Variants in CALN1 observed in about 807,000 individuals in gnomAD.
The protein encoded by CALN1 is calneuron 1.
CALN1 carries 17 observed loss-of-function variants against 30.6 expected under a neutral mutation model. The observed-to-expected ratio is 0.56, with a 90% CI of 0.38 to 0.83. The LOEUF is 0.83. Ranked by LOEUF, CALN1 falls within the 40% of genes least tolerant of loss-of-function variation. The pLI, the probability that CALN1 is intolerant of heterozygous loss-of-function variation, is 0.00. For missense variants in CALN1, 291 were observed against 354.9 expected, an observed-to-expected ratio of 0.82 and a Z score of 1.45; for synonymous variants, 156 against 131.4, an observed-to-expected ratio of 1.19 and a Z score of -1.28.
At chr7:71,792,313 C>A (rs547431835) in intron 6 of CALN1, among the ~76,000 whole-genome samples, 28 of 152,098 alleles carry the variant, frequency 1.8e-4, no homozygotes, top group Non-Finnish European at 3.8e-4. Flanking sequence ...CAGCCGCAAC[C>A]CCCAGCCCCC....
chr7:72,213,175 C>A (rs182266284), intron 3 of CALN1, among the ~76,000 whole-genome samples: 9 of 152,172 alleles, frequency 5.9e-5, no homozygotes, highest in Admixed American at 3.9e-4. Context: ...TAATGCATTG[C>A]GTGTCCTAAT....
In CALN1 at chr7:71,791,582, GA is replaced by G. The variant is rs532761674; in HGVS notation, c.659-3681del. Among the ~76,000 whole-genome samples, 519 of 152,214 alleles carry G rather than the reference GA, an allele frequency of 3.4e-3. 4 individuals are homozygous for G. The highest frequency in any genetic ancestry group is 0.012 in the African/African-American group (493 of 41,546). ...GAGGGTAGGAGGAGGGAGACGAGCA[GA>G]AAAAAATCACTATTGGGTTCTAGGC... On this transcript the variant is annotated intron_variant, in intron 6 of 6. Transcript: ENST00000395275.
chr7:72,190,656 C>T (rs1447914873), intron 3 of CALN1, among the ~76,000 whole-genome samples: 1 of 152,148 alleles, frequency 6.6e-6, no homozygotes, highest in Non-Finnish European at 1.5e-5. Flanking sequence ...GTGCATGTTT[C>T]AGAAAAATTA....
chr7:71,850,906 G>A (rs1318012071), intron 5 of CALN1, among the ~76,000 whole-genome samples: 1 of 152,134 alleles, frequency 6.6e-6, no homozygotes, highest in Non-Finnish European at 1.5e-5. Context: ...TACCATTTAT[G>A]TACATTAAAT....
chr7:71,857,540 A>C (rs992722604), intron 5 of CALN1, among the ~76,000 whole-genome samples: 9 of 152,024 alleles, frequency 5.9e-5, no homozygotes, highest in Admixed American at 5.9e-4. Context: ...ACCCACATCC[A>C]TCCTTCATCC....
intron 2 of CALN1, among the ~76,000 whole-genome samples, chr7:72,307,110 T>A (rs999146582): frequency 3.5e-4 from 53 of 152,220 alleles, no homozygotes; most frequent in African/African-American, 1.2e-3. Flanking sequence ...TTTTGCTTTT[T>A]GTAATTTTTT....
At chr7:72,360,192 T>C (rs1803491470) in intron 2 of CALN1, among the ~76,000 whole-genome samples, 1 of 152,112 alleles carries the variant, frequency 6.6e-6, no homozygotes, top group Non-Finnish European at 1.5e-5. Flanking sequence ...ACTTTATTAG[T>C]GTTAAGCTTC....
chr7:72,047,393 G>A (rs560540989), intron 4 of CALN1, among the ~76,000 whole-genome samples: 1 of 152,180 alleles, frequency 6.6e-6, no homozygotes, highest in Admixed American at 6.5e-5. Context: ...TTTGAGACCA[G>A]CCTGGACAAC....
chr7:72,115,255 T>C (rs1197732519), intron 3 of CALN1, among the ~76,000 whole-genome samples: 2 of 145,890 alleles, frequency 1.4e-5, no homozygotes, highest in African/African-American at 2.5e-5. Flanking sequence ...AATAATAACA[T>C]GGGCCACAGG....
chr7:72,465,419 CT>C, the CALN1 span, among the ~76,000 whole-genome samples: 5 of 152,180 alleles, frequency 3.3e-5, no homozygotes, highest in African/African-American at 1.2e-4. Flanking sequence ...TAGCAGTGAC[CT>C]GCATCTGCCA....
chr7:72,148,843 G>T (rs1163080148), intron 3 of CALN1, among the ~76,000 whole-genome samples: 1 of 151,676 alleles, frequency 6.6e-6, no homozygotes, highest in Non-Finnish European at 1.5e-5. Flanking sequence ...GATGGAGGTT[G>T]CAGTGAGCCA....
At chr7:72,044,567 T>C (rs1430244406) in intron 4 of CALN1, among the ~76,000 whole-genome samples, 1 of 151,422 alleles carries the variant, frequency 6.6e-6, no homozygotes, top group African/African-American at 2.4e-5. Context: ...CAGGGTATTT[T>C]TTAACCTTCA....
chr7:71,797,919 G>C (rs1373710109), intron 6 of CALN1, among the ~76,000 whole-genome samples: 2 of 152,030 alleles, frequency 1.3e-5, no homozygotes, highest in African/African-American at 2.4e-5. Context: ...GGTTTGATTG[G>C]AGCTCCTTTT....
At chr7:72,017,564 CG>C (rs1800468561) in intron 5 of CALN1, among the ~76,000 whole-genome samples, 1 of 152,110 alleles carries the variant, frequency 6.6e-6, no homozygotes, top group Non-Finnish European at 1.5e-5. Context: ...CCCTGGACTT[CG>C]TGTGTGCTCG....
chr7:72,152,023 C>A (rs1342040453), intron 3 of CALN1, among the ~76,000 whole-genome samples: 8 of 151,350 alleles, frequency 5.3e-5, no homozygotes, highest in African/African-American at 1.9e-4. Flanking sequence ...ATTCTCCTGC[C>A]TCAGCCTCCC....
chr7:72,330,194 G>C (rs191437366), intron 2 of CALN1, among the ~76,000 whole-genome samples: 1 of 152,052 alleles, frequency 6.6e-6, no homozygotes, highest in Non-Finnish European at 1.5e-5. Flanking sequence ...TCCGGATGCT[G>C]AGGCAGGAGA....
chr7:72,447,773 A>G (rs1346749633), upstream of CALN1, among the ~76,000 whole-genome samples: 2 of 151,208 alleles, frequency 1.3e-5, no homozygotes, highest in South Asian at 2.1e-4. Flanking sequence ...ACACCTGCCC[A>G]TGTACACACA....
intron 5 of CALN1, among the ~76,000 whole-genome samples, chr7:71,996,078 G>C (rs745923627): frequency 2.0e-5 from 3 of 152,056 alleles, no homozygotes; most frequent in Non-Finnish European, 4.4e-5. Flanking sequence ...GGCTAATAGA[G>C]CACCATAAAG....
chr7:72,387,338 T>G (rs1447884695), intron 2 of CALN1, among the ~76,000 whole-genome samples: 1 of 142,510 alleles, frequency 7.0e-6, no homozygotes, highest in Non-Finnish European at 1.5e-5. Flanking sequence ...AAGAATTCCA[T>G]AATTTATAGG....
Sources: allele counts gnomAD v4.1 joint callset (sites outside exome capture counted in the v4.1 genomes callset), GRCh38; gene constraint gnomAD v4.1.1; transcripts MANE v1.5; gene names NCBI Gene and HGNC (gene_info 2026-07-23, HGNC 2026-07-21).